Variants in PTK7 observed in about 807,000 individuals in gnomAD.
PTK7 encodes the protein protein tyrosine kinase 7 (inactive).
A neutral mutation model predicts 116.6 loss-of-function variants in PTK7; 39 were observed. The ratio of observed to expected loss-of-function variants is 0.33; its 90% CI spans 0.26 to 0.44. The LOEUF (loss-of-function observed/expected upper bound fraction) is 0.44. PTK7 is among the 20% of genes least tolerant of loss of function. The pLI is 1.00. For synonymous variants in PTK7, 546 were observed against 563.6 expected, an observed-to-expected ratio of 0.97 and a Z score of 0.44; for missense variants, 1,169 against 1,425.6, an observed-to-expected ratio of 0.82 and a Z score of 2.90.
In PTK7 at chr6:43,107,702, A is replaced by G. The variant is rs16896285; in HGVS notation, c.80-21275A>G. Among the ~76,000 whole-genome samples, 122 of 152,342 alleles carry G rather than the reference A, an allele frequency of 8.0e-4. 2 individuals are homozygous for G. In the East Asian group the frequency reaches 0.021, roughly 26 times the overall value. ...AATGATTGTTGAATTAAGAATGATAATTAATATAATTGCCTACCAGGATCC... is the reference window on the plus strand; with the variant it reads ...AATGATTGTTGAATTAAGAATGATAGTTAATATAATTGCCTACCAGGATCC... On this transcript the variant is annotated intron_variant, in intron 1 of 19. Coordinates refer to ENST00000230419, the MANE Select transcript of PTK7 (RefSeq NM_002821.5).
intron 1 of PTK7, among the ~76,000 whole-genome samples, chr6:43,108,094 CTTT>C (rs1327874500): frequency 1.5e-5 from 2 of 137,400 alleles, no homozygotes; most frequent in Non-Finnish European, 1.6e-5. Flanking sequence ...GCTGCTTTAA[CTTT>C]TTTTTTTTTT....
At chr6:43,150,616 C>T (rs950000400) in intron 17 of PTK7, among the ~76,000 whole-genome samples, 13 of 152,018 alleles carry the variant, frequency 8.6e-5, no homozygotes, top group African/African-American at 1.9e-4. Flanking sequence ...CTTTGCCTGC[C>T]GCTTACAGAG....
rs778247170 is a variant in PTK7 at position 43,159,770 on chromosome 6, G to C, written c.2874-18G>C. 6 of 1,614,068 alleles carry C rather than the reference G, an allele frequency of 3.7e-6. No individual in the cohort carries two copies. Among genetic ancestry groups the C allele is most frequent in the Non-Finnish European group, 5.1e-6 (6 of 1,179,942 alleles). On this transcript the variant is annotated intron_variant, in intron 18 of 19. Transcript: ENST00000230419. ...CGCTCCCACCCCACCTCACCCCTGG[G>C]TTGCTTCTCTCCTGCAGTGAGTACT...
intron 1 of PTK7, among the ~76,000 whole-genome samples, chr6:43,093,462 A>G (rs535281908): frequency 3.9e-5 from 6 of 152,238 alleles, no homozygotes; most frequent in African/African-American, 1.4e-4. Flanking sequence ...AGAGTGATTA[A>G]CAAGACAAGG....
intron 1 of PTK7, among the ~76,000 whole-genome samples, chr6:43,093,062 G>A (rs546030353): frequency 9.9e-5 from 15 of 152,164 alleles, no homozygotes; most frequent in Non-Finnish European, 1.9e-4. Context: ...GCAGGGGGGC[G>A]GGGTGACTTT....
chr6:43,130,522 G>A lies in PTK7; in HGVS notation c.673G>A (p.Ala225Thr), dbSNP rs1769601316. Residue 225 changes from alanine (A) to threonine (T), a missense_variant, in exon 5 of 20, where the codon GCC (alanine) becomes ACC (threonine). Coordinates refer to ENST00000230419, the MANE Select transcript of PTK7 (RefSeq NM_002821.5). Reference sequence around the variant, plus strand: ...CTTTCCCTCTCCAGATGAAAGCTTTGCCAGGGTGGTGCTGGCACCCCAGGA... The same window carrying A: ...CTTTCCCTCTCCAGATGAAAGCTTTACCAGGGTGGTGCTGGCACCCCAGGA... ...FTLSIADESF[A>T]RVVLAPQDVV... 1.2e-6 allele frequency: 2 copies of A among 1,613,782 alleles called. No individual in the cohort carries two copies. Among genetic ancestry groups the A allele is most frequent in the Admixed American group, 3.3e-5 (2 of 59,964 alleles).
At chr6:43,084,167 G>A (rs1766529934) in intron 1 of PTK7, among the ~76,000 whole-genome samples, 1 of 152,148 alleles carries the variant, frequency 6.6e-6, no homozygotes, top group Admixed American at 6.5e-5. Flanking sequence ...GTCTCACTCT[G>A]TCACCCAGGT....
chr6:43,139,459 A>G lies in PTK7; in HGVS notation c.1552A>G (p.Lys518Glu), dbSNP rs1240281552. 5 of 1,614,108 alleles carry G rather than the reference A, an allele frequency of 3.1e-6. No individual in the cohort carries two copies. The African/African-American group carries it at 4.0e-5, about 13-fold the overall frequency. ...PQPQQCMEFDKEATVPCSATG... is the reference protein window; with the variant it reads ...PQPQQCMEFDEEATVPCSATG... ...GCCACAGCAGTGCATGGAGTTTGAC[A>G]AGGAGGCCACGGTGCCCTGTTCAGC... Residue 518 changes from lysine (K) to glutamate (E), a missense_variant, in exon 10 of 20, where the codon AAG becomes GAG. Physicochemically the swap from Lys to Glu is moderately conservative, Grantham distance 56. Coordinates refer to ENST00000230419, the MANE Select transcript of PTK7 (RefSeq NM_002821.5). This position sits in a 1 kb window ranked among gnomAD's most constrained non-coding sequence, Gnocchi z 4.6.
chr6:43,139,840 A>G lies in PTK7; in HGVS notation c.1618+315A>G, dbSNP rs1159440369. ...CATAAAAATTACATGGAGGCCGTGC[A>G]TAGTGGCTCACGCCTGTAATCCCAA... is the stretch of plus-strand genomic sequence containing the variant. On this transcript the variant is annotated intron_variant, in intron 10 of 19. Transcript: ENST00000230419. This position sits in a 1 kb window ranked among gnomAD's most constrained non-coding sequence, Gnocchi z 4.6. Among the ~76,000 whole-genome samples the G allele has an allele frequency of 6.6e-6, 1 of 152,266 alleles. No homozygotes were observed. Among genetic ancestry groups the G allele is most frequent in the Non-Finnish European group, 1.5e-5 (1 of 68,044 alleles).
intron 1 of PTK7, among the ~76,000 whole-genome samples, chr6:43,090,671 G>T (rs777894305): frequency 6.6e-5 from 10 of 152,160 alleles, no homozygotes; most frequent in Non-Finnish European, 8.8e-5. Context: ...GGCAGACAAA[G>T]GTTTGGGATG....
At chr6:43,152,142 G>C (rs1001790228) in intron 17 of PTK7, among the ~76,000 whole-genome samples, 3 of 150,838 alleles carry the variant, frequency 2.0e-5, no homozygotes, top group African/African-American at 7.3e-5. Flanking sequence ...GAGCCACTGC[G>C]CCCAGCCCAC....
Position 43,143,739 on chromosome 6 carries a change from G to T in PTK7, c.2251+119G>T, listed in dbSNP as rs115590488. 2,091 of 1,103,988 alleles carry T rather than the reference G, an allele frequency of 1.9e-3. 32 individuals are homozygous for T. The African/African-American group carries it at 0.028, about 15-fold the overall frequency. The allele number at this position is 1,103,988 out of a possible 1,614,324, so 68.4% of individuals were successfully genotyped here. ...CGAGCGGCTGTTGCTGGGTCCTGGA[G>T]CTGGGACTGCCCCACCCCTAGCGGG... On this transcript the variant is annotated intron_variant, in intron 14 of 19. Transcript: ENST00000230419. This position sits in a 1 kb window ranked among gnomAD's most constrained non-coding sequence, Gnocchi z 4.2.
intron 1 of PTK7, among the ~76,000 whole-genome samples, chr6:43,095,194 T>C (rs1321958074): frequency 8.7e-6 from 1 of 114,918 alleles, no homozygotes; most frequent in Non-Finnish European, 1.7e-5. Context: ...ACCCAGTCTC[T>C]ACTAAAAAAA....
intron 1 of PTK7, among the ~76,000 whole-genome samples, chr6:43,086,867 AAAAAAACCCT>A (rs1766689808): frequency 1.3e-5 from 2 of 152,054 alleles, no homozygotes; most frequent in Non-Finnish European, 2.9e-5. Flanking sequence ...AAACAACAAC[AAAAAAACCCT>A]TCCTCCAGGT....
intron 17 of PTK7, among the ~76,000 whole-genome samples, chr6:43,149,069 A>AG (rs1561983242): frequency 6.8e-6 from 1 of 146,600 alleles, no homozygotes; most frequent in Non-Finnish European, 1.5e-5. Flanking sequence ...CAAAAAAAAA[A>AG]AAAAAAAAAA....
Position 43,076,988 on chromosome 6 carries a change from T to C in PTK7, c.79+421T>C. Reference sequence around the variant, plus strand: ...CCCCACCCGGCAGGGTCGGCCCAGGTAAGAGTTGCTGGTTTGGGGCCCGAT... The same window carrying C: ...CCCCACCCGGCAGGGTCGGCCCAGGCAAGAGTTGCTGGTTTGGGGCCCGAT... On this transcript the variant is annotated intron_variant, in intron 1 of 19. Transcript: ENST00000230419. The surrounding 1 kb of genome is among the most constrained non-coding windows in gnomAD (Gnocchi z 5.7). 6.8e-7 allele frequency: 1 copy of C among 1,478,342 alleles called. No individual in the cohort carries two copies. The highest frequency in any genetic ancestry group is 9.0e-7 in the Non-Finnish European group (1 of 1,110,904). The allele number at this position is 1,478,342 out of a possible 1,614,324, so 91.6% of individuals were successfully genotyped here.
At chr6:43,120,438 G>A (rs536777744) in intron 1 of PTK7, among the ~76,000 whole-genome samples, 1 of 152,340 alleles carries the variant, frequency 6.6e-6, no homozygotes, top group Admixed American at 6.5e-5. Context: ...GGCAGAGGCA[G>A]GTCTCCCGGG....
At position 43,130,624 on chromosome 6, in the gene PTK7, C is replaced by T; in HGVS notation, c.775C>T (p.Leu259Phe). ...CCAGCCACCCCCGAGCCTGCAGTGG[C>T]TCTTTGAGGATGAGACTCCCATCAC... ...SAQPPPSLQW[L>F]FEDETPITNR... The change falls in exon 5 of 20, where the codon CTC becomes TTC. Residue 259 changes from leucine to phenylalanine, a missense_variant. By Grantham distance (22) the Leu-to-Phe change is conservative (BLOSUM62 0). Coordinates refer to ENST00000230419, the MANE Select transcript of PTK7 (RefSeq NM_002821.5). The T allele has an allele frequency of 1.2e-6, 2 of 1,614,202 alleles. No homozygotes were observed. The highest frequency in any genetic ancestry group is 1.7e-6 in the Non-Finnish European group (2 of 1,180,036).
chr6:43,132,564 G>T lies in PTK7; in HGVS notation c.1105G>T (p.Val369Phe), dbSNP rs1360907122. The stretch of plus-strand genomic sequence containing the variant: ...AGTCCGGCTGCCCACCCATGGCAGG[G>T]TCTACCAGAAGGGCCACGAGCTGGT... ...AGVRLPTHGR[V>F]YQKGHELVLA... Residue 369 changes from valine (V) to phenylalanine (F), a missense_variant, in exon 7 of 20, where the codon GTC becomes TTC. Transcript: ENST00000230419. The T allele has an allele frequency of 6.2e-7, 1 of 1,613,310 alleles. No individual in the cohort carries two copies. Among genetic ancestry groups the T allele is most frequent in the African/African-American group, 1.3e-5 (1 of 74,938 alleles).
Sources: allele counts gnomAD v4.1 joint callset (sites outside exome capture counted in the v4.1 genomes callset), GRCh38; gene constraint gnomAD v4.1.1; non-coding constraint Gnocchi (gnomAD v3.1); transcripts MANE v1.5; gene names NCBI Gene and HGNC (gene_info 2026-07-23, HGNC 2026-07-21).